Variants in DCX observed in about 807,000 individuals in gnomAD.
DCX encodes doublecortin, also known as neuronal migration protein doublecortin.
A neutral mutation model predicts 20.9 loss-of-function variants in DCX; 4 were observed. That is an observed-to-expected ratio of 0.19 (90% CI 0.09 to 0.44). The LOEUF is 0.44. DCX is among the 20% of genes least tolerant of loss of function. DCX has a pLI of 0.99. For missense variants in DCX, 133 were observed against 296.9 expected (o/e 0.45, Z 4.06); for synonymous variants, 103 against 111.4 (o/e 0.92, Z 0.47).
chrX:111,388,552 G>A (rs1306291582), intron 3 of DCX, among the ~76,000 whole-genome samples: 1 of 112,292 alleles, frequency 8.9e-6, no homozygotes, highest in Admixed American at 9.4e-5. Context: ...CAAGTTTGGG[G>A]AATACTGGTC....
At chrX:111,371,601 A>G (rs186758011) in intron 3 of DCX, among the ~76,000 whole-genome samples, 3 of 111,911 alleles carry the variant, frequency 2.7e-5, no homozygotes, top group African/African-American at 6.5e-5. Context: ...TAAATTAGTA[A>G]TAAGGTTAAT....
At chrX:111,378,400 C>T (rs753901289) in intron 3 of DCX, among the ~76,000 whole-genome samples, 5 of 111,321 alleles carry the variant, frequency 4.5e-5, no homozygotes, top group Admixed American at 1.9e-4. Context: ...AGGTCTGGGG[C>T]GAGGCTCAGG....
At chrX:111,327,237 C>T (rs2095101558) in intron 5 of DCX, among the ~76,000 whole-genome samples, 1 of 111,692 alleles carries the variant, frequency 9.0e-6, no homozygotes, top group South Asian at 3.8e-4. Context: ...TCACAAGTTC[C>T]ACATCCAAGA....
chrX:111,389,999 T>C (rs1395005526), intron 3 of DCX, among the ~76,000 whole-genome samples: 3 of 112,180 alleles, frequency 2.7e-5, no homozygotes, highest in Non-Finnish European at 5.6e-5. Flanking sequence ...TTAGTTAACT[T>C]TGGGTTAATC....
chrX:111,392,621 A>C (rs1457518135), intron 3 of DCX, among the ~76,000 whole-genome samples: 1 of 111,687 alleles, frequency 9.0e-6, no homozygotes, highest in East Asian at 2.8e-4. Context: ...CTATAGAACT[A>C]TGAAGTAGAT....
intron 3 of DCX, among the ~76,000 whole-genome samples, chrX:111,373,184 T>A (rs1337040206): frequency 8.9e-6 from 1 of 112,278 alleles, no homozygotes; most frequent in Non-Finnish European, 1.9e-5. Context: ...GATTTGACAC[T>A]TTCAGCTACT....
chrX:111,399,070 C>T, intron 3 of DCX, among the ~76,000 whole-genome samples: 1 of 111,078 alleles, frequency 9.0e-6, no homozygotes, highest in East Asian at 2.8e-4. Flanking sequence ...GCCAAATTCA[C>T]ACCACTGCAC....
Position 111,303,092 on chromosome X carries a change from C to CT in DCX, c.1045-1350dup, listed in dbSNP as rs536285244. On this transcript the variant is annotated intron_variant, in intron 6 of 6. Coordinates refer to ENST00000636035, the MANE Select transcript of DCX (RefSeq NM_001195553.2). ...ATGATATGAGGTCTAGGTTAAGAAA[C>CT]TTTTTTTTTTTTTTTGACAGAGTCC... Among the ~76,000 whole-genome samples the CT allele has an allele frequency of 1.6e-3, 161 of 99,905 alleles. 1 individual carries two copies. The highest frequency in any genetic ancestry group is 5.2e-3 in the East Asian group (17 of 3,293). The allele number at this position is 99,905 out of a possible 115,157, so 86.8% of individuals were successfully genotyped here.
chrX:111,317,516 G>A (rs961486214), intron 5 of DCX, among the ~76,000 whole-genome samples: 2 of 108,946 alleles, frequency 1.8e-5, no homozygotes, highest in Non-Finnish European at 1.9e-5. Flanking sequence ...ATTTAATAAT[G>A]AAGACATCAA....
chrX:111,379,482 G>A (rs945382848), intron 3 of DCX, among the ~76,000 whole-genome samples: 5 of 111,690 alleles, frequency 4.5e-5, no homozygotes, highest in African/African-American at 1.6e-4. Flanking sequence ...ATGGTCTTTT[G>A]TGTCTGGTTT....
At chrX:111,338,137 C>T (rs12012379) in intron 3 of DCX, among the ~76,000 whole-genome samples, 6,373 of 111,891 alleles carry the variant, frequency 0.057, 446 homozygotes, top group African/African-American at 0.2. Flanking sequence ...GAGTTGCATC[C>T]TGTTGACTAC....
intron 1 of DCX, 84 bp downstream of exon 1, chrX:111,412,052 GAC>G (rs1349638219): frequency 8.9e-6 from 1 of 112,255 alleles, no homozygotes; most frequent in Non-Finnish European, 1.9e-5. Context: ...GAGACAGAGA[GAC>G]AGAGAGAGCA....
intron 3 of DCX, among the ~76,000 whole-genome samples, chrX:111,346,911 C>T (rs182479592): frequency 0.014 from 1,507 of 110,892 alleles, 25 homozygotes; most frequent in African/African-American, 0.046. Flanking sequence ...GCCAAAAGGC[C>T]TTTTAAAATA....
Position 111,295,736 on chromosome X carries a change from C to T in DCX, c.*5951G>A, listed in dbSNP as rs1358089394. On this transcript the variant is annotated 3_prime_UTR_variant, in exon 7 of 7. Transcript: ENST00000636035. Reference sequence around the variant, plus strand: ...ATGTCTCTGAGCACGCTTCACTGCTCCACAAAATGTCAGACTAAAAAGGAA... The same window carrying T: ...ATGTCTCTGAGCACGCTTCACTGCTTCACAAAATGTCAGACTAAAAAGGAA... 1.8e-5 allele frequency: 2 copies of T among 112,289 alleles called. No homozygotes were observed. Among genetic ancestry groups the T allele is most frequent in the Admixed American group, 1.9e-4 (2 of 10,512 alleles). 9.3% of individuals were successfully genotyped at this position (112,289 alleles called of 1,213,427 possible).
At chrX:111,333,623 G>A (rs1342962450) in intron 3 of DCX, among the ~76,000 whole-genome samples, 1 of 111,966 alleles carries the variant, frequency 8.9e-6, no homozygotes, top group Non-Finnish European at 1.9e-5. Flanking sequence ...CTAAAAGAAG[G>A]ACATCATTTC....
rs765837046 is a variant in DCX at position 111,397,592 on chromosome X, G to A, written c.705+3398C>T. 2.7e-5 allele frequency among the ~76,000 whole-genome samples: 3 copies of A among 111,822 alleles called. No homozygotes were observed. The South Asian group carries it at 1.1e-3, about 42-fold the overall frequency. Reference sequence around the variant, plus strand: ...CCCAGCATCTATTTTGTAATTAGTAGGTTTGTCCATGTACCCCCAAATTTT... The same window carrying A: ...CCCAGCATCTATTTTGTAATTAGTAAGTTTGTCCATGTACCCCCAAATTTT... On this transcript the variant is annotated intron_variant, in intron 3 of 6. Transcript: ENST00000636035.
intron 3 of DCX, among the ~76,000 whole-genome samples, chrX:111,400,771 C>T (rs900094655): frequency 8.9e-6 from 1 of 112,029 alleles, no homozygotes; most frequent in Admixed American, 9.4e-5. Context: ...GACCTTTCTG[C>T]ATGGTAAATC....
chrX:111,357,932 A>T (rs1322978834), intron 3 of DCX, among the ~76,000 whole-genome samples: 2 of 110,012 alleles, frequency 1.8e-5, no homozygotes, highest in African/African-American at 6.6e-5. Flanking sequence ...GGTTCAAGGG[A>T]TTCTTCTGCC....
At position 111,295,872 on chromosome X, in the gene DCX, A is replaced by C. The variant is rs2095019422; in HGVS notation, c.*5815T>G. Reference sequence around the variant, plus strand: ...GGGGGATTACGAATGAAAATGGAGAAGAAGAAAGGGCCAGGATCAGGTTGA... The same window carrying C: ...GGGGGATTACGAATGAAAATGGAGACGAAGAAAGGGCCAGGATCAGGTTGA... On this transcript the variant is annotated 3_prime_UTR_variant, in exon 7 of 7. Transcript: ENST00000636035. The C allele has an allele frequency of 8.9e-6, 1 of 111,893 alleles. No homozygotes were observed. Among genetic ancestry groups the C allele is most frequent in the Non-Finnish European group, 1.9e-5 (1 of 53,284 alleles). 9.2% of individuals were successfully genotyped at this position (111,893 alleles called of 1,213,427 possible). A position where few individuals can be genotyped will look rare whatever the true frequency, so the allele number is the denominator to read the frequency against.
Sources: gnomAD v4.1 joint callset for allele counts (sites outside exome capture counted in the v4.1 genomes callset) on GRCh38, gnomAD v4.1.1 for gene constraint, MANE v1.5 for transcripts, NCBI Gene and HGNC (gene_info 2026-07-23, HGNC 2026-07-21) for gene names.